The following FAP variants were observed in gnomAD, a reference collection of about 807,000 sequenced individuals.
FAP encodes fibroblast activation protein alpha.
In FAP, 110 loss-of-function variants were observed where a neutral mutation model predicts 126.5. The ratio of observed to expected loss-of-function variants is 0.87; its 90% confidence interval spans 0.74 to 1.02. FAP has a LOEUF of 1.02. Ranked by LOEUF, FAP falls within the 50% of genes least tolerant of loss-of-function variation. The pLI is 0.00. For synonymous variants in FAP, 334 were observed against 297.3 expected, an observed-to-expected ratio of 1.12 and a Z score of -1.27; for missense variants, 919 against 909.2, an observed-to-expected ratio of 1.01 and a Z score of -0.14.
intron 11 of FAP, among the ~76,000 whole-genome samples, chr2:162,212,861 C>T (rs1689000419): frequency 6.6e-6 from 1 of 152,054 alleles, no homozygotes; most frequent in Non-Finnish European, 1.5e-5. Context: ...AAAGCTTATA[C>T]ATTGGTTAAG....
At chr2:162,189,926 T>C (rs778929649) in intron 17 of FAP, among the ~76,000 whole-genome samples, 172 bp from the exon 18 acceptor site, 1 of 152,030 alleles carries the variant, frequency 6.6e-6, no homozygotes, top group Admixed American at 6.6e-5. Flanking sequence ...AGAGCAGATA[T>C]AAGCTTATGA....
chr2:162,178,767 C>T (rs965542132), intron 21 of FAP, among the ~76,000 whole-genome samples: 14 of 152,100 alleles, frequency 9.2e-5, no homozygotes, highest in African/African-American at 3.4e-4. Flanking sequence ...TTGTTGGGTG[C>T]GATGTATTTC....
chr2:162,206,315 G>T (rs1688694425), intron 12 of FAP, among the ~76,000 whole-genome samples: 1 of 152,130 alleles, frequency 6.6e-6, no homozygotes, highest in Admixed American at 6.5e-5. Flanking sequence ...CCTTACACTG[G>T]TTTCTTTATT....
intron 12 of FAP, among the ~76,000 whole-genome samples, chr2:162,205,623 C>T (rs1033987048): frequency 1.3e-5 from 2 of 152,112 alleles, no homozygotes; most frequent in African/African-American, 4.8e-5. Context: ...AAGTGATTCT[C>T]CTGCCTCAGC....
At chr2:162,194,349 A>T (rs143210793) in intron 17 of FAP, among the ~76,000 whole-genome samples, 458 of 147,344 alleles carry the variant, frequency 3.1e-3, no homozygotes, top group African/African-American at 1.0e-2. Context: ...AAAAAAAAAC[A>T]CCCTAGGGAT....
At position 162,223,025 on chromosome 2, in the gene FAP, C is replaced by G. The variant is rs578025168; in HGVS notation, c.413+583G>C. 5.3e-5 allele frequency among the ~76,000 whole-genome samples: 8 copies of G among 152,146 alleles called. No individual in the cohort carries two copies. In the South Asian group the frequency reaches 1.7e-3, roughly 32 times the overall value. The stretch of plus-strand genomic sequence containing the variant: ...TCTTTTAAATGGTAAATGTTTCAAA[C>G]AGTTTATATGTATATATATATATGG... On this transcript the variant is annotated intron_variant, in intron 6 of 25. Coordinates refer to ENST00000188790, the MANE Select transcript of FAP (RefSeq NM_004460.5).
At chr2:162,196,966 TA>T in intron 16 of FAP, among the ~76,000 whole-genome samples, 1 of 152,218 alleles carries the variant, frequency 6.6e-6, no homozygotes. Flanking sequence ...GATGAGAGCT[TA>T]GGCTTTTATT....
chr2:162,219,999 GA>G (rs1450769532), intron 6 of FAP, 74 bp from the exon 7 acceptor site: 1 of 1,008,900 alleles, frequency 9.9e-7, no homozygotes, highest in African/African-American at 1.6e-5. Context: ...TGTATGAACA[GA>G]AAAAATAAAC....
chr2:162,215,766 C>T, intron 10 of FAP, 132 bp downstream of exon 10: 1 of 616,622 alleles, frequency 1.6e-6, no homozygotes, highest in African/African-American at 1.9e-5. Flanking sequence ...ACTTATTTGT[C>T]AATTTTAATT....
intron 6 of FAP, among the ~76,000 whole-genome samples, chr2:162,223,286 A>C (rs910120726): frequency 2.0e-5 from 3 of 152,062 alleles, no homozygotes; most frequent in Non-Finnish European, 4.4e-5. Flanking sequence ...ATAGTGTCTC[A>C]TTTCCAAGAA....
chr2:162,180,022 T>C (rs1687642833), intron 21 of FAP, among the ~76,000 whole-genome samples: 9 of 151,940 alleles, frequency 5.9e-5, no homozygotes, highest in Admixed American at 5.9e-4. Flanking sequence ...TTGGTCAGGC[T>C]GGTCTCGAAC....
Position 162,198,765 on chromosome 2 carries a change from A to T in FAP, c.1394T>A (p.Val465Asp). The stretch of plus-strand genomic sequence containing the variant: ...TGAGGTCCGTTACCTACCGTAGCAG[A>T]CAAGTGCATAGTACTTGGCGTAGTC... ...FSDYAKYYALVCYGPGIPIST... is the reference protein window; with the variant it reads ...FSDYAKYYALDCYGPGIPIST... Residue 465 changes from valine (V) to aspartate (D), a missense_variant, in exon 16 of 26, where the codon GTC becomes GAC. Physicochemically the swap from Val to Asp is radical, Grantham distance 152 (BLOSUM62 -3). Coordinates refer to ENST00000188790, the MANE Select transcript of FAP (RefSeq NM_004460.5). 1 of 1,614,098 alleles carries T rather than the reference A, an allele frequency of 6.2e-7. No homozygotes were observed. The highest frequency in any genetic ancestry group is 8.5e-7 in the Non-Finnish European group (1 of 1,179,948).
intron 21 of FAP, among the ~76,000 whole-genome samples, chr2:162,179,763 T>G (rs1051140087): frequency 2.6e-4 from 19 of 73,616 alleles, no homozygotes; most frequent in African/African-American, 6.8e-4. Context: ...AGCACAGATC[T>G]ATCTATCTAT....
At chr2:162,196,098 G>A (rs949293178) in intron 16 of FAP, among the ~76,000 whole-genome samples, 3 of 152,138 alleles carry the variant, frequency 2.0e-5, no homozygotes, top group African/African-American at 7.2e-5. Context: ...GGAGGAAGAT[G>A]GTGGCTGCCC....
At chr2:162,179,790 C>CTATA (rs10657426) in intron 21 of FAP, among the ~76,000 whole-genome samples, 78 of 115,510 alleles carry the variant, frequency 6.8e-4, no homozygotes, top group African/African-American at 2.4e-3. Flanking sequence ...ATCTATCTAT[C>CTATA]TATATATATA....
At chr2:162,228,666 T>C (rs2106291204) in intron 2 of FAP, among the ~76,000 whole-genome samples, 1 of 152,312 alleles carries the variant, frequency 6.6e-6, no homozygotes, top group African/African-American at 2.4e-5. Context: ...AACAAGGTTG[T>C]GTACACTATA....
At chr2:162,195,780 C>T (rs1460164462) in intron 16 of FAP, among the ~76,000 whole-genome samples, 1 of 152,030 alleles carries the variant, frequency 6.6e-6, no homozygotes, top group African/African-American at 2.4e-5. Context: ...GGAAATATAC[C>T]TTTTAAGCAT....
chr2:162,177,918 A>G (rs1687540911), intron 21 of FAP, among the ~76,000 whole-genome samples: 1 of 152,178 alleles, frequency 6.6e-6, no homozygotes, highest in Non-Finnish European at 1.5e-5. Flanking sequence ...GCTGCATTTC[A>G]CAATGAGGAA....
At chr2:162,198,511 T>C in intron 16 of FAP, 1 of 685,976 alleles carries the variant, frequency 1.5e-6, no homozygotes, top group Non-Finnish European at 2.2e-6. Context: ...TGGCTGATGC[T>C]TAGCTGCAGT....
Sources: gnomAD v4.1 joint callset for allele counts (sites outside exome capture counted in the v4.1 genomes callset) on GRCh38, gnomAD v4.1.1 for gene constraint, MANE v1.5 for transcripts, NCBI Gene and HGNC (gene_info 2026-07-23, HGNC 2026-07-21) for gene names.